Variants in MPDZ observed in about 807,000 individuals in gnomAD.
MPDZ encodes multiple PDZ domain protein.
A neutral mutation model predicts 239.1 loss-of-function variants in MPDZ; 234 were observed. The ratio of observed to expected loss-of-function variants is 0.98; its 90% CI spans 0.88 to 1.09. The LOEUF is 1.09. Ranked by LOEUF, MPDZ falls within the 50% of genes least tolerant of loss-of-function variation. The pLI, the probability that MPDZ is intolerant of heterozygous loss-of-function variation, is 0.00. For synonymous variants in MPDZ, 1,048 were observed against 881.3 expected, an observed-to-expected ratio of 1.19 and a Z score of -3.35; for missense variants, 3,175 against 2,510.0, an observed-to-expected ratio of 1.26 and a Z score of -5.66.
chr9:13,178,176 G>C (rs1021295905), intron 19 of MPDZ, among the ~76,000 whole-genome samples: 1 of 150,998 alleles, frequency 6.6e-6, no homozygotes, highest in Admixed American at 6.6e-5. Flanking sequence ...GGAGAATGGC[G>C]TGAATCCAGG....
intron 16 of MPDZ, among the ~76,000 whole-genome samples, chr9:13,189,532 G>A (rs1412785226): frequency 6.6e-6 from 1 of 152,080 alleles, no homozygotes; most frequent in East Asian, 1.9e-4. Flanking sequence ...CAGGCCCTAT[G>A]AACACAACTT....
chr9:13,173,424 C>T (rs532033312), intron 21 of MPDZ, among the ~76,000 whole-genome samples: 6 of 152,102 alleles, frequency 3.9e-5, no homozygotes, highest in African/African-American at 1.2e-4. Flanking sequence ...GTAAGCAGGC[C>T]GGGCAGGGTG....
chr9:13,116,548 T>C (rs1225835564), intron 39 of MPDZ, among the ~76,000 whole-genome samples: 1 of 151,244 alleles, frequency 6.6e-6, no homozygotes, highest in African/African-American at 2.4e-5. Context: ...ATAAGTTGGT[T>C]TTTTTATTTG....
chr9:13,140,136 G>A lies in MPDZ; in HGVS notation c.3854C>T (p.Ser1285Leu), dbSNP rs1350411430. ...QINADKAPSQ[S>L]ESEPEKAPLC... is the part of the protein sequence containing the mutation. ...TGGAGCCTTCTCTGGCTCTGACTCTGACTGACTGGGTGCCTGTGGGAACAA... is the reference window on the plus strand; with the variant it reads ...TGGAGCCTTCTCTGGCTCTGACTCTAACTGACTGGGTGCCTGTGGGAACAA... Residue 1285 changes from serine (S) to leucine (L), a missense_variant, in exon 28 of 47, where the codon TCA becomes TTA. Transcript: ENST00000319217. The A allele has an allele frequency of 6.2e-7, 1 of 1,613,208 alleles. No homozygotes were observed. Among genetic ancestry groups the A allele is most frequent in the Non-Finnish European group, 8.5e-7 (1 of 1,179,582 alleles).
At chr9:13,222,476 C>A in intron 5 of MPDZ, 30 bp from the exon 6 acceptor site, 4 of 1,550,392 alleles carry the variant, frequency 2.6e-6, no homozygotes, top group Non-Finnish European at 3.6e-6. Flanking sequence ...GGATAAAAGA[C>A]AATCTGAGAG....
intron 1 of MPDZ, among the ~76,000 whole-genome samples, chr9:13,254,252 G>A (rs946695925): frequency 4.6e-5 from 7 of 152,094 alleles, no homozygotes; most frequent in African/African-American, 1.7e-4. Flanking sequence ...AGAAACCACC[G>A]GTCGGTCTAT....
At chr9:13,150,865 C>G (rs1949073133) in intron 24 of MPDZ, among the ~76,000 whole-genome samples, 177 bp from the exon 25 acceptor site, 1 of 151,814 alleles carries the variant, frequency 6.6e-6, no homozygotes, top group African/African-American at 2.4e-5. Flanking sequence ...ATGATACTCT[C>G]AATAGAGTAA....
intron 25 of MPDZ, among the ~76,000 whole-genome samples, chr9:13,149,727 G>A (rs1045953172): frequency 1.5e-4 from 23 of 151,986 alleles, no homozygotes; most frequent in Non-Finnish European, 3.2e-4. Flanking sequence ...ACTTATGAGA[G>A]GAGAGTCTAT....
Position 13,224,378 on chromosome 9 carries a change from G to T in MPDZ, c.389C>A (p.Ala130Asp). The change falls in exon 4 of 47, where the codon GCC (alanine) becomes GAC (aspartate). Residue 130 changes from alanine to aspartate, a missense_variant. Transcript: ENST00000319217. ...AACAGAAAGAAATGTTCTTACCTGG[G>T]CCATATTTTTGATAAGCTGATCAAA... ...DEFDQLIKNMAQGRHVEVFEL... is the reference protein window; with the variant it reads ...DEFDQLIKNMDQGRHVEVFEL... 1 of 1,610,322 alleles carries T rather than the reference G, an allele frequency of 6.2e-7. No homozygotes were observed. Among genetic ancestry groups the T allele is most frequent in the African/African-American group, 1.3e-5 (1 of 74,836 alleles).
intron 32 of MPDZ, among the ~76,000 whole-genome samples, chr9:13,131,827 C>G (rs919513401): frequency 6.6e-6 from 1 of 152,168 alleles, no homozygotes; most frequent in East Asian, 1.9e-4. Flanking sequence ...AGGACCCCAG[C>G]TCCCTCAGTC....
intron 21 of MPDZ, among the ~76,000 whole-genome samples, chr9:13,171,045 C>G (rs1379652769): frequency 2.0e-5 from 3 of 152,132 alleles, no homozygotes; most frequent in Non-Finnish European, 4.4e-5. Flanking sequence ...CACTTCCAAT[C>G]AGCACAAGCT....
intron 23 of MPDZ, among the ~76,000 whole-genome samples, chr9:13,160,697 C>T (rs1042833965): frequency 1.3e-5 from 2 of 151,016 alleles, no homozygotes; most frequent in African/African-American, 4.9e-5. Context: ...TAGGCGTCTC[C>T]CCTATCCCTC....
In MPDZ at chr9:13,168,480, C is replaced by T. The variant is rs1411312916; in HGVS notation, c.3140G>A (p.Arg1047Gln). The change falls in exon 22 of 47, where the codon CGG becomes CAG. Residue 1047 changes from arginine to glutamine, a missense_variant. Coordinates refer to ENST00000319217, the MANE Select transcript of MPDZ (RefSeq NM_001378778.1). ...CAAGATGCAGTCCCCAATGGCAATC[C>T]GGCCATCTCGACTAATGGCACCTCC... ...IHGGAISRDG[R>Q]IAIGDCILSI... The T allele has an allele frequency of 8.7e-6, 14 of 1,613,282 alleles. No homozygotes were observed. Among genetic ancestry groups the T allele is most frequent in the African/African-American group, 2.7e-5 (2 of 74,882 alleles).
chr9:13,211,168 T>C (rs1481084364), intron 10 of MPDZ, among the ~76,000 whole-genome samples: 1 of 152,162 alleles, frequency 6.6e-6, no homozygotes, highest in Non-Finnish European at 1.5e-5. Context: ...AATTTGCAAC[T>C]GTGTCTGATT....
rs1942969392 is a variant in MPDZ, at chr9:13,114,113, C to T, written c.5467-92G>A. 4 of 964,544 alleles carry T rather than the reference C, an allele frequency of 4.1e-6. No individual in the cohort carries two copies. In the South Asian group the frequency reaches 4.6e-5, roughly 11 times the overall value. 59.7% of individuals were successfully genotyped at this position (964,544 alleles called of 1,614,324 possible). A position where few individuals can be genotyped will look rare whatever the true frequency, so the allele number is the denominator to read the frequency against. The stretch of plus-strand genomic sequence containing the variant: ...TCAGAATTTAATCTAGAGACAGATA[C>T]CTGTTAAGCAACAGTGGCATTTGAT... On this transcript the variant is annotated intron_variant, in intron 40 of 46. Transcript: ENST00000319217.
intron 10 of MPDZ, among the ~76,000 whole-genome samples, chr9:13,207,760 G>A (rs1309370565): frequency 1.3e-5 from 2 of 151,956 alleles, no homozygotes; most frequent in Non-Finnish European, 1.5e-5. Context: ...TTTCCTTATA[G>A]TAGTGTCATC....
intron 3 of MPDZ, among the ~76,000 whole-genome samples, chr9:13,227,709 G>A (rs1476575249): frequency 1.3e-5 from 2 of 152,022 alleles, no homozygotes; most frequent in African/African-American, 4.8e-5. Context: ...TACAAAATGA[G>A]AACTGTATAA....
chr9:13,233,562 G>C (rs73408235), intron 3 of MPDZ, among the ~76,000 whole-genome samples: 7 of 152,148 alleles, frequency 4.6e-5, no homozygotes, highest in African/African-American at 1.7e-4. Flanking sequence ...TCCATATCTT[G>C]ATTTCGGTGA....
At chr9:13,178,604 C>A (rs2134281499) in intron 19 of MPDZ, among the ~76,000 whole-genome samples, 1 of 152,278 alleles carries the variant, frequency 6.6e-6, no homozygotes, top group East Asian at 1.9e-4. Context: ...AGATCAAGAG[C>A]ATAAAGCATA....
Sources: gnomAD v4.1 joint callset for allele counts (sites outside exome capture counted in the v4.1 genomes callset) on GRCh38, gnomAD v4.1.1 for gene constraint, MANE v1.5 for transcripts, NCBI Gene and HGNC (gene_info 2026-07-23, HGNC 2026-07-21) for gene names.